The following LRRIQ3 variants were observed in gnomAD, a reference collection of about 807,000 sequenced individuals.
LRRIQ3 encodes leucine rich repeats and IQ motif containing 3, also known as leucine-rich repeat and IQ domain-containing protein 3.
In LRRIQ3, 75 loss-of-function variants were observed where a neutral mutation model predicts 59.3. The observed-to-expected ratio is 1.26, with a 90% confidence interval of 1.05 to 1.53. LRRIQ3 has a LOEUF of 1.53. Ranked by LOEUF, LRRIQ3 falls within the 40% of genes most tolerant of loss-of-function variation. The pLI is 0.00. For missense variants in LRRIQ3, 831 were observed against 710.0 expected (o/e 1.17, Z -1.94); for synonymous variants, 250 against 231.3 (o/e 1.08, Z -0.73).
chr1:74,097,828 T>A (rs1380225310), intron 5 of LRRIQ3, among the ~76,000 whole-genome samples: 2 of 152,070 alleles, frequency 1.3e-5, no homozygotes, highest in Non-Finnish European at 2.9e-5. Context: ...GAAGGAGAAA[T>A]AAAATCCTTT....
At chr1:74,107,059 A>G (rs1646625137) in intron 5 of LRRIQ3, among the ~76,000 whole-genome samples, 1 of 151,896 alleles carries the variant, frequency 6.6e-6, no homozygotes, top group Non-Finnish European at 1.5e-5. Context: ...TGCTCCATAA[A>G]CACTGGATGT....
At chr1:74,112,801 A>G (rs1377630819) in intron 4 of LRRIQ3, among the ~76,000 whole-genome samples, 5 of 152,184 alleles carry the variant, frequency 3.3e-5, no homozygotes, top group South Asian at 4.1e-4. Flanking sequence ...AGTCCAGCCA[A>G]ATTATTAAAC....
chr1:74,075,321 C>T (rs1646192655), intron 5 of LRRIQ3, among the ~76,000 whole-genome samples: 2 of 152,128 alleles, frequency 1.3e-5, no homozygotes, highest in South Asian at 2.1e-4. Flanking sequence ...AACCCTAGCA[C>T]TTTGGGAGGC....
chr1:74,040,856 A>G (rs932342443), intron 7 of LRRIQ3, among the ~76,000 whole-genome samples: 1 of 152,200 alleles, frequency 6.6e-6, no homozygotes, highest in East Asian at 1.9e-4. Context: ...TCACAAAATG[A>G]CACCCTAACA....
At chr1:74,050,970 C>G (rs549817599) in intron 6 of LRRIQ3, among the ~76,000 whole-genome samples, 1 of 152,222 alleles carries the variant, frequency 6.6e-6, no homozygotes, top group African/African-American at 2.4e-5. Context: ...TATAAGATCA[C>G]CATAATAAAG....
intron 7 of LRRIQ3, among the ~76,000 whole-genome samples, chr1:74,029,127 G>A (rs2100351860): frequency 1.3e-5 from 2 of 152,106 alleles, no homozygotes; most frequent in East Asian, 3.9e-4. Context: ...GAGACAATGG[G>A]GTTTTCTAGA....
At chr1:74,081,982 CCA>C (rs1284864139) in intron 5 of LRRIQ3, 1 of 151,300 alleles carries the variant, frequency 6.6e-6, no homozygotes, top group Non-Finnish European at 1.5e-5. Flanking sequence ...TATTTCCGCA[CCA>C]GTTTGATTGT....
chr1:74,113,443 G>C (rs1272438862), intron 4 of LRRIQ3, among the ~76,000 whole-genome samples: 2 of 152,058 alleles, frequency 1.3e-5, no homozygotes, highest in African/African-American at 4.8e-5. Flanking sequence ...TGAATGTAAA[G>C]AGGTCCACGT....
intron 5 of LRRIQ3, among the ~76,000 whole-genome samples, chr1:74,087,808 A>G (rs1646345373): frequency 6.6e-6 from 1 of 151,986 alleles, no homozygotes; most frequent in Non-Finnish European, 1.5e-5. Context: ...ATAGGTAAAA[A>G]AGTCATCAGG....
chr1:74,154,505 C>A (rs1648202969), intron 4 of LRRIQ3, among the ~76,000 whole-genome samples: 1 of 152,038 alleles, frequency 6.6e-6, no homozygotes, highest in African/African-American at 2.4e-5. Context: ...ACTGAAATCT[C>A]TTCCTGCAAA....
intron 4 of LRRIQ3, among the ~76,000 whole-genome samples, chr1:74,122,981 C>G (rs1376740346): frequency 6.6e-6 from 1 of 152,038 alleles, no homozygotes; most frequent in African/African-American, 2.4e-5. Flanking sequence ...CGTTACTTTT[C>G]TAAAATATTT....
At chr1:74,197,488 C>A (rs757897185) in intron 1 of LRRIQ3, among the ~76,000 whole-genome samples, 1 of 151,862 alleles carries the variant, frequency 6.6e-6, no homozygotes, top group African/African-American at 2.4e-5. Context: ...TATAGCTACC[C>A]AAAAAAACAC....
chr1:74,122,396 T>C (rs1404733573), intron 4 of LRRIQ3, among the ~76,000 whole-genome samples: 3 of 152,182 alleles, frequency 2.0e-5, no homozygotes, highest in Non-Finnish European at 1.5e-5. Flanking sequence ...GAAGTGTCTG[T>C]TCATATCCTT....
Position 74,035,858 on chromosome 1 carries a change from T to C in LRRIQ3, c.1718+5355A>G, listed in dbSNP as rs560254019. ...CCCTAGCTTTACCTATTTTGAACTT[T>C]CCAACTTTGCTTATCCTCTTCTCCT... On this transcript the variant is annotated intron_variant, in intron 7 of 7. Transcript: ENST00000354431. Among the ~76,000 whole-genome samples the C allele has an allele frequency of 1.9e-3, 288 of 152,240 alleles. 1 individual carries two copies. The highest frequency in any genetic ancestry group is 6.5e-3 in the African/African-American group (272 of 41,560).
chr1:74,196,012 T>C (rs1360421343), intron 1 of LRRIQ3, among the ~76,000 whole-genome samples: 2 of 151,920 alleles, frequency 1.3e-5, no homozygotes, highest in African/African-American at 4.8e-5. Flanking sequence ...ATTTTTTTTT[T>C]ACTAAAAATT....
chr1:74,186,951 G>A (rs4650249), intron 1 of LRRIQ3, among the ~76,000 whole-genome samples: 127,009 of 150,610 alleles, frequency 0.84, 54,305 homozygotes, highest in East Asian at 0.97. Context: ...TTATAAGCAA[G>A]AAAAAAAATC....
intron 4 of LRRIQ3, among the ~76,000 whole-genome samples, chr1:74,129,893 C>A (rs1646987417): frequency 6.6e-6 from 1 of 151,966 alleles, no homozygotes; most frequent in Non-Finnish European, 1.5e-5. Flanking sequence ...AGAGCTAGGT[C>A]CTGGAATAGG....
At chr1:74,130,435 C>T (rs1646996807) in intron 4 of LRRIQ3, among the ~76,000 whole-genome samples, 1 of 152,120 alleles carries the variant, frequency 6.6e-6, no homozygotes, top group African/African-American at 2.4e-5. Flanking sequence ...CTCACTCTCT[C>T]CCAAGTGCAG....
chr1:74,067,284 G>A (rs932180464), intron 6 of LRRIQ3, among the ~76,000 whole-genome samples: 1 of 152,006 alleles, frequency 6.6e-6, no homozygotes, highest in Non-Finnish European at 1.5e-5. Context: ...AGTGGAAGAG[G>A]GAAAGACTAA....
Sources: gnomAD v4.1 joint callset for allele counts (sites outside exome capture counted in the v4.1 genomes callset) on GRCh38, gnomAD v4.1.1 for gene constraint, MANE v1.5 for transcripts, NCBI Gene and HGNC (gene_info 2026-07-23, HGNC 2026-07-21) for gene names.